GINS1: variants seen among roughly 807,000 people sequenced by gnomAD.
GINS1 encodes the protein DNA replication complex GINS protein PSF1.
Under a neutral mutation model 34.9 loss-of-function variants are expected in GINS1, and 26 were observed. The observed-to-expected ratio is 0.74, with a 90% CI of 0.55 to 1.03. The LOEUF is 1.03. Among genes scored for constraint, GINS1 ranks in the 50% least tolerant of loss-of-function variants. GINS1 has a pLI of 0.00. For missense variants in GINS1, 235 were observed against 237.9 expected (o/e 0.99, Z 0.08); for synonymous variants, 97 against 84.4 (o/e 1.15, Z -0.82).
intron 2 of GINS1, among the ~76,000 whole-genome samples, chr20:25,414,059 G>A (rs1358248242): frequency 1.3e-5 from 2 of 151,742 alleles, no homozygotes; most frequent in African/African-American, 4.8e-5. Context: ...GTGTGGTAGT[G>A]GGTGCCTGTA....
chr20:25,409,553 A>G (rs2090270293), intron 1 of GINS1, among the ~76,000 whole-genome samples: 1 of 152,190 alleles, frequency 6.6e-6, no homozygotes, highest in African/African-American at 2.4e-5. Flanking sequence ...AGTTCAGGAG[A>G]TAGAGTGTGT....
intron 1 of GINS1, among the ~76,000 whole-genome samples, chr20:25,412,808 C>G (rs2090294568): frequency 6.6e-6 from 1 of 152,038 alleles, no homozygotes; most frequent in African/African-American, 2.4e-5. Flanking sequence ...ACTGTGTACC[C>G]ACAAAAATAA....
chr20:25,421,935 A>T (rs955516671), intron 4 of GINS1, among the ~76,000 whole-genome samples: 4 of 151,812 alleles, frequency 2.6e-5, no homozygotes, highest in Non-Finnish European at 4.4e-5. Context: ...TCTCTCAGAG[A>T]ACTTTTCTTC....
At chr20:25,428,223 A>G (rs2090403526) in intron 5 of GINS1, among the ~76,000 whole-genome samples, 1 of 151,770 alleles carries the variant, frequency 6.6e-6, no homozygotes, top group South Asian at 2.1e-4. Flanking sequence ...CCCAGAAATC[A>G]TTGCTAAATA....
chr20:25,428,195 GT>G (rs1238573706), intron 5 of GINS1, among the ~76,000 whole-genome samples: 1 of 151,730 alleles, frequency 6.6e-6, no homozygotes, highest in Non-Finnish European at 1.5e-5. Flanking sequence ...TTTGTTGGTT[GT>G]GCCTTAGGAG....
chr20:25,417,294 T>G (rs1159146843), intron 3 of GINS1, 92 bp downstream of exon 3: 9 of 696,342 alleles, frequency 1.3e-5, no homozygotes, highest in Non-Finnish European at 2.3e-5. Context: ...ATCTTAGATC[T>G]CTCTCTCTTT....
At chr20:25,408,059 T>G (rs1446196736) in intron 1 of GINS1, among the ~76,000 whole-genome samples, 164 bp downstream of exon 1, 1 of 152,264 alleles carries the variant, frequency 6.6e-6, no homozygotes, top group Non-Finnish European at 1.5e-5. Context: ...AAAGCATTCA[T>G]GCTTACGCTA....
intron 5 of GINS1, among the ~76,000 whole-genome samples, chr20:25,440,831 AAG>A: frequency 1.3e-5 from 2 of 150,014 alleles, no homozygotes; most frequent in Admixed American, 6.6e-5. Context: ...AAAAAAAAAA[AAG>A]AAAGAAAAAA....
intron 1 of GINS1, among the ~76,000 whole-genome samples, chr20:25,409,242 G>A (rs2090268176): frequency 6.6e-6 from 1 of 152,218 alleles, no homozygotes; most frequent in South Asian, 2.1e-4. Context: ...TTTAGACAAG[G>A]AAGTGATAGG....
intron 2 of GINS1, among the ~76,000 whole-genome samples, chr20:25,415,805 C>G (rs1461113787): frequency 6.6e-6 from 1 of 151,544 alleles, no homozygotes; most frequent in Non-Finnish European, 1.5e-5. Flanking sequence ...CAGAAGAGTG[C>G]AAGGAGAAAG....
At position 25,425,259 on chromosome 20, in the gene GINS1, T is replaced by G. The variant is rs770881919; in HGVS notation, c.379T>G (p.Ser127Ala). The change falls in exon 5 of 7, where the codon TCA becomes GCA. Residue 127 changes from serine to alanine, a missense_variant. Transcript: ENST00000262460. ...YKRSLATYMR[S>A]LGGDEGLDIT... is the part of the protein sequence containing the mutation. Reference sequence around the variant, plus strand: ...AAGATCTCTTGCTACTTATATGAGGTCACTGGGAGGAGATGAAGGTTTGGA... The same window carrying G: ...AAGATCTCTTGCTACTTATATGAGGGCACTGGGAGGAGATGAAGGTTTGGA... The G allele has an allele frequency of 6.4e-6, 10 of 1,570,672 alleles. No individual in the cohort carries two copies. Among genetic ancestry groups the G allele is most frequent in the Non-Finnish European group, 7.9e-6 (9 of 1,140,914 alleles).
At chr20:25,410,714 A>G (rs1157491909) in intron 1 of GINS1, among the ~76,000 whole-genome samples, 4 of 152,004 alleles carry the variant, frequency 2.6e-5, no homozygotes, top group Non-Finnish European at 5.9e-5. Flanking sequence ...GGCGCCTGCC[A>G]CCATGCCCAG....
In GINS1 at chr20:25,446,438, TAA is replaced by T. The variant is rs2090513123; in HGVS notation, c.*449_*450del. The T allele has an allele frequency of 6.5e-6, 1 of 152,770 alleles. No individual in the cohort carries two copies. The highest frequency in any genetic ancestry group is 1.4e-5 in the Non-Finnish European group (1 of 69,298). 9.5% of individuals were successfully genotyped at this position (152,770 alleles called of 1,614,324 possible). Reference sequence around the variant, plus strand: ...TAAACATGGTTACATTTGAATCTCTTAAATAAGCAGTCACTTGGCTGGACAGG... The same window carrying T: ...TAAACATGGTTACATTTGAATCTCTTATAAGCAGTCACTTGGCTGGACAGG... On this transcript the variant is annotated 3_prime_UTR_variant, in exon 7 of 7. Coordinates refer to ENST00000262460, the MANE Select transcript of GINS1 (RefSeq NM_021067.5).
In GINS1 at chr20:25,417,190, C is replaced by G. The variant is rs1366402520; in HGVS notation, c.227C>G (p.Thr76Ser). The G allele has an allele frequency of 1.3e-6, 2 of 1,538,866 alleles. No homozygotes were observed. Among genetic ancestry groups the G allele is most frequent in the Admixed American group, 1.7e-5 (1 of 59,186 alleles). Residue 76 changes from threonine (T) to serine (S), a missense_variant, in exon 3 of 7, where the codon ACT (threonine) becomes AGT (serine). Transcript: ENST00000262460. Reference sequence around the variant, plus strand: ...TCTCTGTTAAGAAATCGACGCTGCACTGTAGCATACCTGTAAGCTTCTCAG... The same window carrying G: ...TCTCTGTTAAGAAATCGACGCTGCAGTGTAGCATACCTGTAAGCTTCTCAG... ...HCSLLRNRRC[T>S]VAYLYDRLLR...
chr20:25,414,905 G>A, intron 2 of GINS1, among the ~76,000 whole-genome samples: 1 of 152,162 alleles, frequency 6.6e-6, no homozygotes. Flanking sequence ...CAGTGTAGTA[G>A]GTCCAGAGAG....
chr20:25,419,617 A>G, intron 4 of GINS1: 1 of 836,194 alleles, frequency 1.2e-6, no homozygotes, highest in Non-Finnish European at 1.6e-6. Flanking sequence ...TGTTTCTCTA[A>G]CGACAGTAGC....
At chr20:25,423,507 C>T (rs1348690674) in intron 4 of GINS1, among the ~76,000 whole-genome samples, 3 of 108,014 alleles carry the variant, frequency 2.8e-5, no homozygotes, top group African/African-American at 1.1e-4. Flanking sequence ...CTCACTCTGT[C>T]GCCCAGGCTG....
intron 5 of GINS1, 131 bp from the exon 6 acceptor site, chr20:25,441,571 A>C (rs997998647): frequency 1.8e-6 from 1 of 563,092 alleles, no homozygotes; most frequent in African/African-American, 1.9e-5. Context: ...TAGTAGTACT[A>C]GGCCTAAGTA....
chr20:25,428,967 C>CTTT (rs1241187859), intron 5 of GINS1, among the ~76,000 whole-genome samples: 11 of 114,162 alleles, frequency 9.6e-5, no homozygotes, highest in Non-Finnish European at 1.6e-4. Context: ...TCATTCCTCT[C>CTTT]TCTTTTTTTT....
Sources: gnomAD v4.1 joint callset for allele counts (sites outside exome capture counted in the v4.1 genomes callset) on GRCh38, gnomAD v4.1.1 for gene constraint, MANE v1.5 for transcripts, NCBI Gene and HGNC (gene_info 2026-07-23, HGNC 2026-07-21) for gene names.